The following TMEM273 variants were observed in gnomAD, a reference collection of about 807,000 sequenced individuals.
TMEM273 encodes the protein transmembrane protein 273.
In TMEM273, 19 loss-of-function variants were observed where a neutral mutation model predicts 17.9. The ratio of observed to expected loss-of-function variants is 1.06; its 90% CI spans 0.74 to 1.55. The LOEUF is 1.55. TMEM273 is among the 40% of genes most tolerant of loss of function. The pLI is 0.00. For missense variants in TMEM273, 194 were observed against 155.6 expected, an observed-to-expected ratio of 1.25 and a Z score of -1.31; for synonymous variants, 66 against 62.0, an observed-to-expected ratio of 1.07 and a Z score of -0.31.
intron 1 of TMEM273, among the ~76,000 whole-genome samples, chr10:49,185,180 T>C (rs1483966765): frequency 6.6e-6 from 1 of 152,184 alleles, no homozygotes; most frequent in African/African-American, 2.4e-5. Flanking sequence ...AGAAAAAAAT[T>C]TAACATTTGG....
chr10:49,171,202 G>A (rs1846544659), intron 1 of TMEM273, among the ~76,000 whole-genome samples: 1 of 152,188 alleles, frequency 6.6e-6, no homozygotes, highest in Non-Finnish European at 1.5e-5. Flanking sequence ...ATTTGCTGAG[G>A]CCATAATAGG....
At chr10:49,181,882 G>C (rs1847365143) in intron 1 of TMEM273, among the ~76,000 whole-genome samples, 1 of 152,136 alleles carries the variant, frequency 6.6e-6, no homozygotes, top group South Asian at 2.1e-4. Context: ...AAAAGACCCT[G>C]TTAAGAGAAT....
chr10:49,155,849 C>T lies in TMEM273; in HGVS notation c.*43G>A. 1 of 1,614,008 alleles carries T rather than the reference C, an allele frequency of 6.2e-7. No homozygotes were observed. ...GAGATGTTAACCATGGGCTGTTTTC[C>T]ACGGGGCTAGAACCCCTCTTCACGT... is the stretch of plus-strand genomic sequence containing the variant. On this transcript the variant is annotated 3_prime_UTR_variant, in exon 7 of 7. Transcript: ENST00000374153.
intron 1 of TMEM273, among the ~76,000 whole-genome samples, chr10:49,169,181 A>G (rs780251491): frequency 6.6e-6 from 1 of 152,218 alleles, no homozygotes; most frequent in Non-Finnish European, 1.5e-5. Context: ...GGGATGGGCA[A>G]ATGGTAAGAT....
intron 5 of TMEM273, among the ~76,000 whole-genome samples, chr10:49,164,959 G>GTTAT (rs771766953): frequency 2.0e-5 from 3 of 152,230 alleles, no homozygotes; most frequent in South Asian, 2.1e-4. Flanking sequence ...CTCATGTTCA[G>GTTAT]TTATTTATTC....
intron 1 of TMEM273, among the ~76,000 whole-genome samples, chr10:49,174,432 C>T (rs1224896329): frequency 1.3e-5 from 2 of 152,382 alleles, no homozygotes; most frequent in South Asian, 2.1e-4. Context: ...CTTCCAGCAT[C>T]GCTCGGCTCT....
At chr10:49,174,241 G>C (rs751368191) in intron 1 of TMEM273, among the ~76,000 whole-genome samples, 3 of 152,178 alleles carry the variant, frequency 2.0e-5, no homozygotes, top group African/African-American at 7.2e-5. Context: ...GGGTGCTGGC[G>C]GGCCCTGCCC....
At chr10:49,169,983 G>A (rs1846450108) in intron 1 of TMEM273, among the ~76,000 whole-genome samples, 1 of 152,308 alleles carries the variant, frequency 6.6e-6, no homozygotes, top group Admixed American at 6.5e-5. Flanking sequence ...CTGAGCCCCA[G>A]GCTCACCCCA....
intron 3 of TMEM273, among the ~76,000 whole-genome samples, chr10:49,166,023 C>T (rs951854568): frequency 3.3e-5 from 5 of 152,166 alleles, no homozygotes; most frequent in African/African-American, 9.7e-5. Context: ...GCCTATTAAG[C>T]CCCTCGGGCG....
chr10:49,171,462 T>C (rs923243805), intron 1 of TMEM273, among the ~76,000 whole-genome samples: 1 of 152,222 alleles, frequency 6.6e-6, no homozygotes, highest in Non-Finnish European at 1.5e-5. Context: ...CCTCTGACCA[T>C]AGAAGCTTTT....
At chr10:49,175,520 C>G (rs767304766) in intron 1 of TMEM273, among the ~76,000 whole-genome samples, 40 of 152,242 alleles carry the variant, frequency 2.6e-4, no homozygotes, top group Non-Finnish European at 4.6e-4. Flanking sequence ...CAGGAGGTAT[C>G]AAAACTGGTG....
intron 1 of TMEM273, among the ~76,000 whole-genome samples, chr10:49,184,198 T>A (rs1426372146): frequency 6.6e-6 from 1 of 152,124 alleles, no homozygotes; most frequent in East Asian, 1.9e-4. Flanking sequence ...AAATTCCAAA[T>A]AAATTAAAGA....
intron 5 of TMEM273, among the ~76,000 whole-genome samples, chr10:49,164,640 C>T (rs7068519): frequency 0.093 from 14,224 of 152,160 alleles, 1,136 homozygotes; most frequent in African/African-American, 0.21. Context: ...ACACTTGCTT[C>T]TGCCACACTG....
chr10:49,165,437 A>C, intron 4 of TMEM273, 154 bp from the exon 5 acceptor site: 6 of 1,493,348 alleles, frequency 4.0e-6, no homozygotes, highest in Non-Finnish European at 5.3e-6. Context: ...GTGACCTCCC[A>C]AGTGACAGGG....
intron 1 of TMEM273, among the ~76,000 whole-genome samples, chr10:49,187,151 C>T (rs1847775144): frequency 1.3e-5 from 2 of 152,170 alleles, no homozygotes; most frequent in South Asian, 4.1e-4. Flanking sequence ...CCTTCCACCA[C>T]GTCTCTGGGC....
chr10:49,167,693 G>T (rs1846283434), intron 2 of TMEM273, among the ~76,000 whole-genome samples: 1 of 152,224 alleles, frequency 6.6e-6, no homozygotes, highest in Non-Finnish European at 1.5e-5. Flanking sequence ...GTGGCCCTGA[G>T]GTATCACGTC....
chr10:49,171,728 A>G (rs2002435), intron 1 of TMEM273, among the ~76,000 whole-genome samples: 62,672 of 152,150 alleles, frequency 0.41, 15,994 homozygotes, highest in African/African-American at 0.72. Context: ...GAGGGCAGCC[A>G]CCCCAGCTCC....
rs368894169 is a variant in TMEM273, at chr10:49,166,897, G to A, written c.210C>T (p.Asp70=). ...TGAGGCCCCCAGGCGTGCTTTTCAGGTCGGAAGAGTCGTCGTCAAATAAGT... is the reference window on the plus strand; with the variant it reads ...TGAGGCCCCCAGGCGTGCTTTTCAGATCGGAAGAGTCGTCGTCAAATAAGT... ...RRHLFDDDSS[D]LKSTPGGLSD... The change falls in exon 3 of 7, where the codon GAC becomes GAT. Residue 70 remains aspartate, a synonymous_variant. Transcript: ENST00000374153. The A allele has an allele frequency of 3.1e-6, 5 of 1,614,012 alleles. No homozygotes were observed. The highest frequency in any genetic ancestry group is 4.2e-6 in the Non-Finnish European group (5 of 1,180,008).
rs1481161441 is a variant in TMEM273 at position 49,188,324 on chromosome 10, C to A, written c.13G>T (p.Val5Phe). 3.1e-6 allele frequency: 5 copies of A among 1,614,068 alleles called. No homozygotes were observed. Among genetic ancestry groups the A allele is most frequent in the African/African-American group, 2.7e-5 (2 of 74,940 alleles). The change falls in exon 1 of 7, where the codon GTC (valine) becomes TTC (phenylalanine). Residue 5 changes from valine to phenylalanine, a missense_variant. Coordinates refer to ENST00000374153, the MANE Select transcript of TMEM273 (RefSeq NM_001288740.3). Reference sequence around the variant, plus strand: ...AGGAAGAGGATCCTCAGCATGCTGACCCCCAAGTTCATGCTGGCGCTCTGC... The same window carrying A: ...AGGAAGAGGATCCTCAGCATGCTGAACCCCAAGTTCATGCTGGCGCTCTGC... The part of the protein sequence containing the change: MNLG[V>F]SMLRILFLLD...
Sources: allele counts gnomAD v4.1 joint callset (sites outside exome capture counted in the v4.1 genomes callset), GRCh38; gene constraint gnomAD v4.1.1; transcripts MANE v1.5; gene names NCBI Gene and HGNC (gene_info 2026-07-23, HGNC 2026-07-21).